LEKR1: variants seen among roughly 807,000 people sequenced by gnomAD.
The protein encoded by LEKR1 is protein LEKR1.
A neutral mutation model predicts 72.4 loss-of-function variants in LEKR1; 59 were observed. That is an observed-to-expected ratio of 0.82 (90% CI 0.66 to 1.01). The LOEUF is 1.01. Among genes scored for constraint, LEKR1 ranks in the 50% least tolerant of loss-of-function variants. The pLI is 0.00. For missense variants in LEKR1, 728 were observed against 759.2 expected (o/e 0.96, Z 0.48); for synonymous variants, 257 against 263.2 (o/e 0.98, Z 0.23).
intron 12 of LEKR1, among the ~76,000 whole-genome samples, chr3:157,035,857 C>G (rs1734933891): frequency 6.6e-6 from 1 of 152,112 alleles, no homozygotes; most frequent in Non-Finnish European, 1.5e-5. Flanking sequence ...GAGATCACAC[C>G]ACTGCACTCC....
chr3:156,869,050 G>T (rs1341043881), intron 3 of LEKR1, among the ~76,000 whole-genome samples: 1 of 151,986 alleles, frequency 6.6e-6, no homozygotes, highest in African/African-American at 2.4e-5. Context: ...TGTCTGAATA[G>T]TATTTCATTG....
chr3:156,846,841 C>A lies in LEKR1; in HGVS notation c.49-5927C>A, dbSNP rs554223867. ...TGTATTTATTTATTTGAAACAAGGT[C>A]TTGCTCTGTTGCCCAGGCTGGAGTG... On this transcript the variant is annotated intron_variant, in intron 2 of 12. Coordinates refer to ENST00000356539, the MANE Select transcript of LEKR1 (RefSeq NM_001004316.3). Among the ~76,000 whole-genome samples the A allele has an allele frequency of 1.8e-4, 28 of 152,226 alleles. No individual in the cohort carries two copies. In the South Asian group the frequency reaches 5.2e-3, roughly 28 times the overall value.
At chr3:156,880,045 A>C (rs1477132259) in intron 3 of LEKR1, among the ~76,000 whole-genome samples, 1 of 152,226 alleles carries the variant, frequency 6.6e-6, no homozygotes, top group Non-Finnish European at 1.5e-5. Context: ...CAGAGTACCC[A>C]CTGGGGCACT....
chr3:156,997,994 C>G (rs1466910993), intron 9 of LEKR1, among the ~76,000 whole-genome samples: 1 of 152,198 alleles, frequency 6.6e-6, no homozygotes, highest in African/African-American at 2.4e-5. Flanking sequence ...GTCTGGCCAG[C>G]TTGGTCACGG....
intron 10 of LEKR1, among the ~76,000 whole-genome samples, chr3:157,024,365 T>A (rs947709603): frequency 2.0e-5 from 3 of 152,184 alleles, no homozygotes; most frequent in Non-Finnish European, 4.4e-5. Flanking sequence ...CATTTGTCCT[T>A]TGTGTTCCCT....
rs1560168619 is a variant in LEKR1 at position 157,045,631 on chromosome 3, G to A, written c.1960G>A (p.Val654Ile). The change falls in exon 13 of 13, where the codon GTT becomes ATT. Residue 654 changes from valine to isoleucine, a missense_variant. Val to Ile is a conservative substitution (Grantham distance 29). Transcript: ENST00000356539. ...TFPTSDKPKR[V>I]RSGVPILPQP... ...CCCAACCTCAGATAAGCCGAAGAGG[G>A]TTAGATCAGGCGTGCCCATTCTCCC... is the stretch of plus-strand genomic sequence containing the variant. 6.2e-7 allele frequency: 1 copy of A among 1,614,116 alleles called. No homozygotes were observed. The highest frequency in any genetic ancestry group is 1.6e-4 in the Middle Eastern group (1 of 6,062).
chr3:156,968,134 A>C (rs1246090714), intron 6 of LEKR1, among the ~76,000 whole-genome samples: 3 of 152,192 alleles, frequency 2.0e-5, no homozygotes, highest in Non-Finnish European at 4.4e-5. Flanking sequence ...AGCACTAAAC[A>C]TGGAAAGGAA....
intron 12 of LEKR1, among the ~76,000 whole-genome samples, chr3:157,035,591 A>T (rs1734912497): frequency 1.3e-5 from 2 of 152,174 alleles, no homozygotes; most frequent in African/African-American, 4.8e-5. Context: ...CTTCTGGAGA[A>T]ATGAGCTGCC....
Position 157,007,026 on chromosome 3 carries a change from C to T in LEKR1, c.1110-4387C>T, listed in dbSNP as rs561907387. Among the ~76,000 whole-genome samples, 11 of 151,790 alleles carry T rather than the reference C, an allele frequency of 7.2e-5. No homozygotes were observed. In the East Asian group the frequency reaches 2.1e-3, roughly 29 times the overall value. ...CATCCTGGCTAACACGACGAAACCC[C>T]GTCTCTACTAAAAAAATACAAAAAA... On this transcript the variant is annotated intron_variant, in intron 9 of 12. Transcript: ENST00000356539.
At position 156,936,202 on chromosome 3, in the gene LEKR1, G is replaced by GT. The variant is rs920929629; in HGVS notation, c.560-6326dup. ...GGAGAGTAACATAGGATCCTTGATA[G>GT]TGTTGCCCTTTTACAGACTGACCAC... On this transcript the variant is annotated intron_variant, in intron 5 of 12. Transcript: ENST00000356539. 1.2e-3 allele frequency among the ~76,000 whole-genome samples: 179 copies of GT among 152,242 alleles called. 2 individuals carry two copies. Among genetic ancestry groups the GT allele is most frequent in the African/African-American group, 4.2e-3 (176 of 41,546 alleles).
chr3:156,867,824 G>A (rs563325613), intron 3 of LEKR1, among the ~76,000 whole-genome samples: 4 of 152,088 alleles, frequency 2.6e-5, no homozygotes, highest in East Asian at 1.9e-4. Flanking sequence ...TAGGTGCATC[G>A]TAGGTGTTAA....
intron 3 of LEKR1, among the ~76,000 whole-genome samples, chr3:156,868,494 G>A (rs1717557509): frequency 6.6e-6 from 1 of 151,904 alleles, no homozygotes; most frequent in African/African-American, 2.4e-5. Context: ...CTCACAAAGA[G>A]AAGCAAAGAA....
At chr3:156,987,066 T>C (rs1283660018) in intron 7 of LEKR1, among the ~76,000 whole-genome samples, 1 of 151,872 alleles carries the variant, frequency 6.6e-6, no homozygotes, top group Non-Finnish European at 1.5e-5. Flanking sequence ...TGTATTGTAT[T>C]GTATTGTATT....
At position 156,826,361 on chromosome 3, in the gene LEKR1, C is replaced by T. The variant is rs1252434373; in HGVS notation, c.-60C>T. 2 of 152,912 alleles carry T rather than the reference C, an allele frequency of 1.3e-5. No homozygotes were observed. Among genetic ancestry groups the T allele is most frequent in the East Asian group, 3.9e-4 (2 of 5,184 alleles). 9.5% of individuals were successfully genotyped at this position (152,912 alleles called of 1,614,324 possible). On this transcript the variant is annotated 5_prime_UTR_variant, in exon 1 of 13. Coordinates refer to ENST00000356539, the MANE Select transcript of LEKR1 (RefSeq NM_001004316.3). ...ACCGGGAAAGCCGTTTCACACCCGT[C>T]CTAGTCGAAGTCGAGGTGAGGGACG... is the stretch of plus-strand genomic sequence containing the variant.
Position 156,920,645 on chromosome 3 carries a change from C to A in LEKR1, c.334C>A (p.His112Asn). 3.5e-6 allele frequency: 5 copies of A among 1,449,260 alleles called. No individual in the cohort carries two copies. The South Asian group carries it at 3.8e-5, about 11-fold the overall frequency. 89.8% of individuals were successfully genotyped at this position (1,449,260 alleles called of 1,614,324 possible). A position where few individuals can be genotyped will look rare whatever the true frequency, so the allele number is the denominator to read the frequency against. ...EFQKVKKQLS[H>N]LQDELKIKYR... Reference sequence around the variant, plus strand: ...TCAGAAAGTAAAGAAACAACTGAGTCATTTGCAAGATGAGCTAAAAATTAA... The same window carrying A: ...TCAGAAAGTAAAGAAACAACTGAGTAATTTGCAAGATGAGCTAAAAATTAA... Residue 112 changes from histidine to asparagine, a missense_variant, in exon 4 of 13, where the codon CAT becomes AAT. Coordinates refer to ENST00000356539, the MANE Select transcript of LEKR1 (RefSeq NM_001004316.3).
chr3:156,830,355 A>G (rs749462517), intron 2 of LEKR1, among the ~76,000 whole-genome samples: 1 of 152,248 alleles, frequency 6.6e-6, no homozygotes, highest in Non-Finnish European at 1.5e-5. Context: ...CACATTTAGC[A>G]TGCCACTACC....
chr3:156,926,657 G>A (rs1464073856), intron 4 of LEKR1, among the ~76,000 whole-genome samples: 1 of 151,898 alleles, frequency 6.6e-6, no homozygotes, highest in Non-Finnish European at 1.5e-5. Context: ...CAACTGAGGA[G>A]GAATCTATTT....
chr3:156,931,614 G>C (rs1213956056), intron 5 of LEKR1, among the ~76,000 whole-genome samples: 1 of 152,138 alleles, frequency 6.6e-6, no homozygotes, highest in African/African-American at 2.4e-5. Context: ...GAGTACATCA[G>C]TAGTAGAATG....
At chr3:156,939,732 A>G (rs1272070086) in intron 5 of LEKR1, among the ~76,000 whole-genome samples, 1 of 152,168 alleles carries the variant, frequency 6.6e-6, no homozygotes, top group African/African-American at 2.4e-5. Flanking sequence ...GTTTTTATAG[A>G]TGAAATTTTC....
Sources: gnomAD v4.1 joint callset for allele counts (sites outside exome capture counted in the v4.1 genomes callset) on GRCh38, gnomAD v4.1.1 for gene constraint, MANE v1.5 for transcripts, NCBI Gene and HGNC (gene_info 2026-07-23, HGNC 2026-07-21) for gene names.